The following MTPN variants were observed in gnomAD, a reference collection of about 807,000 sequenced individuals.
MTPN encodes granule cell differentiation protein.
MTPN carries 2 observed loss-of-function variants against 13.5 expected under a neutral mutation model. That is an observed-to-expected ratio of 0.15 (90% CI 0.06 to 0.47). The LOEUF (loss-of-function observed/expected upper bound fraction) is 0.47, where lower values mean the gene tolerates loss of function less well. Ranked by LOEUF, MTPN falls within the 20% of genes least tolerant of loss-of-function variation. MTPN has a pLI of 0.97. For missense variants in MTPN, 79 were observed against 137.9 expected (o/e 0.57, Z 2.14); for synonymous variants, 46 against 51.7 (o/e 0.89, Z 0.48).
chr7:135,934,577 C>T lies in MTPN; in HGVS notation c.271-4565G>A, dbSNP rs1799084721. On this transcript the variant is annotated intron_variant, in intron 3 of 3. Transcript: ENST00000393085. ...AGGCTGCCATGTGGACAACTACAAC[C>T]TAGGGTTTTCTTTCTAAAGCACAAG... 2.0e-5 allele frequency among the ~76,000 whole-genome samples: 3 copies of T among 152,186 alleles called. No homozygotes were observed. In the South Asian group the frequency reaches 6.2e-4, roughly 31 times the overall value.
At chr7:135,964,113 A>C (rs946069248) in intron 1 of MTPN, among the ~76,000 whole-genome samples, 1 of 151,978 alleles carries the variant, frequency 6.6e-6, no homozygotes, top group African/African-American at 2.4e-5. Context: ...AAGTAGCTTC[A>C]TTTATAAGAT....
At chr7:135,966,566 C>T (rs530804870) in intron 1 of MTPN, among the ~76,000 whole-genome samples, 3 of 152,120 alleles carry the variant, frequency 2.0e-5, no homozygotes, top group South Asian at 2.1e-4. Context: ...AAATTAAGTC[C>T]GGGACTGTCT....
intron 3 of MTPN, among the ~76,000 whole-genome samples, chr7:135,947,575 T>A (rs1351433575): frequency 1.3e-5 from 2 of 152,176 alleles, no homozygotes; most frequent in Non-Finnish European, 2.9e-5. Flanking sequence ...AGCTTGCCAA[T>A]TAAAAATGAG....
At chr7:135,956,718 T>C (rs964957070) in intron 1 of MTPN, among the ~76,000 whole-genome samples, 7 of 152,250 alleles carry the variant, frequency 4.6e-5, no homozygotes, top group African/African-American at 1.7e-4. Flanking sequence ...GAAAACTTCA[T>C]GTTTCTTTCT....
intron 3 of MTPN, among the ~76,000 whole-genome samples, chr7:135,942,603 AGAC>A (rs1799232188): frequency 6.6e-6 from 1 of 152,236 alleles, no homozygotes; most frequent in East Asian, 1.9e-4. Context: ...ATATTTTATA[AGAC>A]TACTACGGTG....
chr7:135,929,997 C>T lies in MTPN; in HGVS notation c.286G>A (p.Val96Met), dbSNP rs1420721405. 1.9e-6 allele frequency: 3 copies of T among 1,611,798 alleles called. No homozygotes were observed. Among genetic ancestry groups the T allele is most frequent in the African/African-American group, 2.7e-5 (2 of 74,806 alleles). ...LLLSKGADKT[V>M]KGPDGLTAFE... ...GCGGTCAGTCCATCTGGGCCTTTCA[C>T]AGTCTTATCAGCACCCTGGAAAAGA... Residue 96 changes from valine to methionine, a missense_variant, in exon 4 of 4, where the codon GTG (valine) becomes ATG (methionine). Transcript: ENST00000393085.
chr7:135,960,908 AG>A (rs1479003732), intron 1 of MTPN: 1 of 152,000 alleles, frequency 6.6e-6, no homozygotes, highest in Non-Finnish European at 1.5e-5. Flanking sequence ...TCAATAAGTA[AG>A]GGTGTCTTAA....
At chr7:135,930,831 T>C (rs1799008975) in intron 3 of MTPN, among the ~76,000 whole-genome samples, 1 of 152,142 alleles carries the variant, frequency 6.6e-6, no homozygotes, top group South Asian at 2.1e-4. Flanking sequence ...CATCCTACCA[T>C]CTGAGGGTTC....
At chr7:135,976,660 T>C (rs1478733562) in intron 1 of MTPN, among the ~76,000 whole-genome samples, 4 of 151,996 alleles carry the variant, frequency 2.6e-5, no homozygotes, top group Admixed American at 2.0e-4. Flanking sequence ...AGATGGAGAA[T>C]TACCTCATTC....
At chr7:135,955,943 C>T (rs934584190) in intron 1 of MTPN, among the ~76,000 whole-genome samples, 2 of 151,936 alleles carry the variant, frequency 1.3e-5, no homozygotes, top group African/African-American at 4.8e-5. Context: ...TAAGATCATA[C>T]TTAATTGGTG....
At chr7:135,965,577 G>A (rs1201107908) in intron 1 of MTPN, among the ~76,000 whole-genome samples, 2 of 151,998 alleles carry the variant, frequency 1.3e-5, no homozygotes, top group Non-Finnish European at 2.9e-5. Flanking sequence ...TTTTTCACAA[G>A]GAAGCATGCA....
At chr7:135,963,808 CT>C (rs1799563417) in intron 1 of MTPN, among the ~76,000 whole-genome samples, 1 of 151,940 alleles carries the variant, frequency 6.6e-6, no homozygotes, top group Middle Eastern at 3.2e-3. Flanking sequence ...TCAAAAATGA[CT>C]ACTTCAGTCA....
intron 1 of MTPN, among the ~76,000 whole-genome samples, chr7:135,968,374 C>T (rs544025867): frequency 6.6e-6 from 1 of 151,974 alleles, no homozygotes; most frequent in South Asian, 2.1e-4. Context: ...CAGCTTCTTA[C>T]ATTTTGGTTT....
At position 135,927,567 on chromosome 7, in the gene MTPN, T is replaced by C. The variant is rs1452363537; in HGVS notation, c.*2359A>G. ...TAGTACCAGAAAGCAAACATGGTTT[T>C]AGCTTCCTTTACTCAAAATATGAAC... On this transcript the variant is annotated 3_prime_UTR_variant, in exon 4 of 4. Coordinates refer to ENST00000393085, the MANE Select transcript of MTPN (RefSeq NM_145808.4). The C allele has an allele frequency of 2.8e-6, 2 of 707,240 alleles. No individual in the cohort carries two copies. Among genetic ancestry groups the C allele is most frequent in the South Asian group, 3.3e-5 (2 of 60,726 alleles). The allele number at this position is 707,240 out of a possible 1,614,324, so 43.8% of individuals were successfully genotyped here. A position where few individuals can be genotyped will look rare whatever the true frequency, so the allele number is the denominator to read the frequency against.
intron 1 of MTPN, among the ~76,000 whole-genome samples, chr7:135,958,167 A>G (rs1799471848): frequency 6.6e-6 from 1 of 152,108 alleles, no homozygotes; most frequent in African/African-American, 2.4e-5. Context: ...TCTTGTTTAT[A>G]TGTCTTTCAT....
chr7:135,955,095 A>T (rs1562933637), intron 1 of MTPN, among the ~76,000 whole-genome samples: 1 of 152,192 alleles, frequency 6.6e-6, no homozygotes. Context: ...GATGAGACTG[A>T]AAAGGCTTTG....
At chr7:135,957,940 T>C (rs1799467864) in intron 1 of MTPN, among the ~76,000 whole-genome samples, 1 of 152,160 alleles carries the variant, frequency 6.6e-6, no homozygotes, top group South Asian at 2.1e-4. Context: ...TCTTAAACTT[T>C]CCTAGACAAC....
intron 3 of MTPN, among the ~76,000 whole-genome samples, chr7:135,940,950 G>C (rs376742625): frequency 1.3e-5 from 2 of 152,238 alleles, no homozygotes; most frequent in African/African-American, 4.8e-5. Flanking sequence ...AATGTTACTG[G>C]AACATACCTA....
intron 1 of MTPN, 92 bp downstream of exon 1, chr7:135,976,937 C>A: frequency 1.4e-6 from 1 of 730,222 alleles, no homozygotes; most frequent in African/African-American, 1.7e-5. Context: ...TCCCGCCCAC[C>A]CCCATCCCCG....
Sources: allele counts gnomAD v4.1 joint callset (sites outside exome capture counted in the v4.1 genomes callset), GRCh38; gene constraint gnomAD v4.1.1; transcripts MANE v1.5; gene names NCBI Gene and HGNC (gene_info 2026-07-23, HGNC 2026-07-21).